PCDH11X: variants seen among roughly 807,000 people sequenced by gnomAD.
PCDH11X encodes protocadherin 11 X-linked.
Under a neutral mutation model 53.3 loss-of-function variants are expected in PCDH11X, and 18 were observed. That is an observed-to-expected ratio of 0.34 (90% CI 0.23 to 0.50). The LOEUF (loss-of-function observed/expected upper bound fraction) is 0.50. Ranked by LOEUF, PCDH11X falls within the 20% of genes least tolerant of loss-of-function variation. PCDH11X has a pLI of 0.98. For synonymous variants in PCDH11X, 279 were observed against 393.3 expected, an observed-to-expected ratio of 0.71 and a Z score of 3.44; for missense variants, 570 against 1,032.4, an observed-to-expected ratio of 0.55 and a Z score of 6.14.
In PCDH11X at chrX:92,184,002, C is replaced by T. The variant is rs1181284136; in HGVS notation, c.3034-17373C>T. Among the ~76,000 whole-genome samples the T allele has an allele frequency of 7.2e-5, 8 of 110,396 alleles. No homozygotes were observed. The Admixed American group carries it at 7.8e-4, about 11-fold the overall frequency. On this transcript the variant is annotated intron_variant, in intron 6 of 10. Transcript: ENST00000682573. ...ACTATTTTTTTTTTTTGTTTATTGC[C>T]TTTTACATTCCATTAGAATATAATC...
At chrX:92,559,161 G>T (rs2075093310) in intron 10 of PCDH11X, among the ~76,000 whole-genome samples, 1 of 110,647 alleles carries the variant, frequency 9.0e-6, no homozygotes, top group Admixed American at 9.7e-5. Flanking sequence ...TGAAAAAAGT[G>T]ATGTCAAAAA....
intron 9 of PCDH11X, among the ~76,000 whole-genome samples, chrX:92,403,329 G>GTTTTTTTTTTTTTTTTTTTTTTTTTTT (rs1178198433): frequency 1.7e-5 from 1 of 58,816 alleles, no homozygotes; most frequent in African/African-American, 7.8e-5. Flanking sequence ...GGGCATTTAC[G>GTTTTTTTTTTTTTTTTTTTTTTTTTTT]TTTTTTTTTG....
chrX:92,402,899 G>A (rs1260637325), intron 9 of PCDH11X, among the ~76,000 whole-genome samples: 1 of 111,649 alleles, frequency 9.0e-6, no homozygotes, highest in Non-Finnish European at 1.9e-5. Flanking sequence ...GCAAATACAA[G>A]ACAAGTAATT....
At chrX:92,128,919 C>T (rs1047036532) in intron 6 of PCDH11X, among the ~76,000 whole-genome samples, 2 of 108,898 alleles carry the variant, frequency 1.8e-5, no homozygotes, top group African/African-American at 6.9e-5. Flanking sequence ...CAAACATATA[C>T]AGGACATTAT....
intron 6 of PCDH11X, among the ~76,000 whole-genome samples, chrX:92,012,527 G>C (rs1235533205): frequency 9.0e-6 from 1 of 111,639 alleles, no homozygotes; most frequent in Non-Finnish European, 1.9e-5. Flanking sequence ...CTTTTCGCAA[G>C]TTTGTTCTTC....
At chrX:91,850,378 T>C (rs989949034) in intron 5 of PCDH11X, among the ~76,000 whole-genome samples, 4 of 111,336 alleles carry the variant, frequency 3.6e-5, no homozygotes, top group Non-Finnish European at 7.6e-5. Context: ...TTTTAAACCA[T>C]TTTTCTTACA....
chrX:92,288,868 AT>A (rs1400607349), intron 8 of PCDH11X, among the ~76,000 whole-genome samples: 1 of 109,308 alleles, frequency 9.1e-6, no homozygotes, highest in African/African-American at 3.3e-5. Flanking sequence ...TATTTTCTTA[AT>A]TTTATAATTG....
intron 1 of PCDH11X, among the ~76,000 whole-genome samples, chrX:91,805,791 A>G (rs1450560885): frequency 1.8e-4 from 20 of 108,951 alleles, no homozygotes; most frequent in African/African-American, 6.8e-4. Flanking sequence ...GCACCACTGC[A>G]CTCTATCCTG....
rs1193476406 is a variant in PCDH11X, at chrX:92,219,085, A to G, written c.3114+17630A>G. 4.5e-5 allele frequency among the ~76,000 whole-genome samples: 5 copies of G among 111,124 alleles called. No homozygotes were observed. The Admixed American group carries it at 4.8e-4, about 11-fold the overall frequency. ...GCTATCTATGACAAACCCATGGCCA[A>G]TATCATACTGAATGGGCAAAAACTG... On this transcript the variant is annotated intron_variant, in intron 7 of 10. Coordinates refer to ENST00000682573, the MANE Select transcript of PCDH11X (RefSeq NM_032968.5).
intron 8 of PCDH11X, among the ~76,000 whole-genome samples, chrX:92,308,514 G>A (rs907424500): frequency 1.9e-4 from 21 of 110,370 alleles, no homozygotes; most frequent in Non-Finnish European, 3.0e-4. Context: ...ATGAATCAAT[G>A]ACCTTAACCA....
intron 8 of PCDH11X, among the ~76,000 whole-genome samples, chrX:92,267,813 A>C (rs746514585): frequency 8.9e-6 from 1 of 112,542 alleles, no homozygotes; most frequent in African/African-American, 3.2e-5. Context: ...AGGTACCAGC[A>C]TCTGCTGAGG....
intron 8 of PCDH11X, among the ~76,000 whole-genome samples, chrX:92,278,222 A>C (rs1376061558): frequency 8.9e-6 from 1 of 111,907 alleles, no homozygotes; most frequent in East Asian, 2.8e-4. Flanking sequence ...CGCTTACCGG[A>C]TTTGAAATTG....
At chrX:92,475,022 G>A (rs192328314) in intron 10 of PCDH11X, among the ~76,000 whole-genome samples, 33,527 of 101,662 alleles carry the variant, frequency 0.33, 4,524 homozygotes, top group African/African-American at 0.46. Context: ...AAAATTAGCC[G>A]GGCGTAGTGG....
At chrX:91,896,140 T>C (rs975542813) in intron 6 of PCDH11X, among the ~76,000 whole-genome samples, 5 of 108,783 alleles carry the variant, frequency 4.6e-5, no homozygotes, top group African/African-American at 1.7e-4. Flanking sequence ...AAATATATTT[T>C]TTGAGACAGA....
At chrX:92,347,259 C>T (rs7885533) in intron 8 of PCDH11X, among the ~76,000 whole-genome samples, 1,984 of 111,205 alleles carry the variant, frequency 0.018, 45 homozygotes, top group African/African-American at 0.062. Context: ...TATTCATTGA[C>T]AAGTAACTCA....
At chrX:92,424,695 A>G (rs1225388695) in intron 9 of PCDH11X, among the ~76,000 whole-genome samples, 2 of 97,795 alleles carry the variant, frequency 2.0e-5, no homozygotes, top group African/African-American at 6.6e-5. Flanking sequence ...AATCTGTGAG[A>G]CAAAGGGAAA....
chrX:92,469,636 C>A, intron 10 of PCDH11X, among the ~76,000 whole-genome samples: 1 of 111,350 alleles, frequency 9.0e-6, no homozygotes, highest in Non-Finnish European at 1.9e-5. Context: ...TTTCAGTTTT[C>A]CAGGAAGTAT....
At chrX:92,412,552 T>TAG (rs1556412540) in intron 9 of PCDH11X, among the ~76,000 whole-genome samples, 285 of 85,362 alleles carry the variant, frequency 3.3e-3, no homozygotes, top group Non-Finnish European at 4.5e-3. Context: ...TATATATATA[T>TAG]ATAGATAAAG....
At chrX:91,850,280 G>A (rs1439713772) in intron 5 of PCDH11X, among the ~76,000 whole-genome samples, 2 of 109,659 alleles carry the variant, frequency 1.8e-5, no homozygotes, top group African/African-American at 3.3e-5. Context: ...AGTGTAATAG[G>A]CATCATTGAT....
Sources: allele counts gnomAD v4.1 joint callset (sites outside exome capture counted in the v4.1 genomes callset), GRCh38; gene constraint gnomAD v4.1.1; transcripts MANE v1.5; gene names NCBI Gene and HGNC (gene_info 2026-07-23, HGNC 2026-07-21).